Variants in DIXDC1 observed in about 807,000 individuals in gnomAD.
DIXDC1 encodes the protein DIX domain containing 1, also known as dixin.
A neutral mutation model predicts 103.1 loss-of-function variants in DIXDC1; 64 were observed. The observed-to-expected ratio is 0.62, with a 90% CI of 0.51 to 0.76. The LOEUF (loss-of-function observed/expected upper bound fraction) is 0.76. DIXDC1 is among the 30% of genes least tolerant of loss of function. The pLI, the probability that DIXDC1 is intolerant of heterozygous loss-of-function variation, is 0.00. For synonymous variants in DIXDC1, 266 were observed against 298.5 expected (o/e 0.89, Z 1.12); for missense variants, 759 against 834.2 (o/e 0.91, Z 1.11).
At chr11:112,018,175 AT>A (rs2137651192) in intron 19 of DIXDC1, among the ~76,000 whole-genome samples, 1 of 152,346 alleles carries the variant, frequency 6.6e-6, no homozygotes, top group African/African-American at 2.4e-5. Flanking sequence ...ACAATAAATA[AT>A]TTTCCATCTG....
chr11:111,964,565 A>G lies in DIXDC1; in HGVS notation c.77A>G (p.Tyr26Cys), dbSNP rs782657124. ...ATTTTCCAGCAACAGCTGCAGGCCTATGTGGCCTGGGTGAATGCACAGCTG... is the reference window on the plus strand; with the variant it reads ...ATTTTCCAGCAACAGCTGCAGGCCTGTGTGGCCTGGGTGAATGCACAGCTG... ...EGFNEQQLQA[Y>C]VAWVNAQLKK... Residue 26 changes from tyrosine (Y) to cysteine (C), a missense_variant, in exon 2 of 20, where the codon TAT becomes TGT. Physicochemically the swap from Tyr to Cys is radical, Grantham distance 194. This residue lies in a region of DIXDC1 where 97 missense variants were observed against 85.4 expected (regional missense o/e 1.14). Coordinates refer to ENST00000440460, the MANE Select transcript of DIXDC1 (RefSeq NM_001037954.4). 1.6e-5 allele frequency: 26 copies of G among 1,605,596 alleles called. No individual in the cohort carries two copies. The highest frequency in any genetic ancestry group is 2.7e-5 in the African/African-American group (2 of 74,802).
intron 17 of DIXDC1, among the ~76,000 whole-genome samples, chr11:112,013,611 T>G (rs1411287764): frequency 2.0e-5 from 3 of 152,114 alleles, no homozygotes; most frequent in Non-Finnish European, 4.4e-5. Flanking sequence ...TCTCAGTCAT[T>G]GTTTACTTTT....
At chr11:111,952,878 T>C (rs1183343910) in intron 1 of DIXDC1, among the ~76,000 whole-genome samples, 5 of 151,010 alleles carry the variant, frequency 3.3e-5, no homozygotes, top group South Asian at 2.1e-4. Flanking sequence ...TGGCCTTAGC[T>C]ACTCTGGAGG....
chr11:111,959,985 C>T (rs587690123), intron 1 of DIXDC1, among the ~76,000 whole-genome samples: 83 of 152,170 alleles, frequency 5.5e-4, no homozygotes, highest in Non-Finnish European at 9.0e-4. Context: ...TCTCGACTCA[C>T]TGCAACCTCC....
Position 111,995,453 on chromosome 11 carries a change from C to T in DIXDC1, c.1578C>T (p.Ser526=), listed in dbSNP as rs587738691. The change falls in exon 16 of 20, where the codon AGC becomes AGT. Residue 526 remains serine, a synonymous_variant. Transcript: ENST00000440460. ...VRDALRSLRN[S]FSGHDPQHHT... ...ATGCTCTCCGCAGCCTGCGCAACAG[C>T]TTCAGTGGCCACGATCCTCAGCACC... is the stretch of plus-strand genomic sequence containing the variant. 3.2e-5 allele frequency: 52 copies of T among 1,613,818 alleles called. 1 individual carries two copies. The South Asian group carries it at 5.1e-4, about 16-fold the overall frequency.
chr11:112,016,633 G>A, intron 17 of DIXDC1, 58 bp from the exon 18 acceptor site: 1 of 1,422,466 alleles, frequency 7.0e-7, no homozygotes. Context: ...TTGAATAACT[G>A]CAGATGGCTG....
In DIXDC1 at chr11:111,937,536, G is replaced by A. The variant is rs374654441; in HGVS notation, c.37G>A (p.Val13Ile). Reference protein sequence around the residue: ...ACLTRGNLLDVLQEGFNEQQL... With the variant: ...ACLTRGNLLDILQEGFNEQQL... ...CCTGACCCGAGGGAACTTACTGGAC[G>A]TCCTGCAGGAGGGCTTCAATGAGGT... The change falls in exon 1 of 20, where the codon GTC becomes ATC. Residue 13 changes from valine (V) to isoleucine (I), a missense_variant. Physicochemically the swap from Val to Ile is conservative, Grantham distance 29. Coordinates refer to ENST00000440460, the MANE Select transcript of DIXDC1 (RefSeq NM_001037954.4). The A allele has an allele frequency of 1.5e-4, 239 of 1,595,818 alleles. 1 individual carries two copies. In the African/African-American group the frequency reaches 2.6e-3, roughly 17 times the overall value.
intron 8 of DIXDC1, 68 bp downstream of exon 8, chr11:111,985,389 C>A: frequency 7.9e-7 from 1 of 1,260,058 alleles, no homozygotes; most frequent in Non-Finnish European, 1.1e-6. Context: ...GCATTTGACA[C>A]TGCTGTTCAT....
At chr11:111,993,052 A>T in intron 12 of DIXDC1, 48 bp downstream of exon 12, 3 of 1,552,140 alleles carry the variant, frequency 1.9e-6, no homozygotes, top group Non-Finnish European at 8.8e-7. Context: ...ACTTTTCATG[A>T]ACAGCCCGTT....
intron 17 of DIXDC1, among the ~76,000 whole-genome samples, 195 bp from the exon 18 acceptor site, chr11:112,016,496 G>A (rs1416814746): frequency 2.0e-5 from 3 of 152,104 alleles, no homozygotes; most frequent in African/African-American, 7.2e-5. Flanking sequence ...CCTCGCGATC[G>A]TGTCCATGTC....
intron 1 of DIXDC1, among the ~76,000 whole-genome samples, chr11:111,949,918 CT>C (rs372738597): frequency 3.1e-4 from 46 of 149,916 alleles, no homozygotes; most frequent in African/African-American, 8.1e-4. Context: ...GCATAAATAG[CT>C]TTTTTTTTTA....
chr11:111,964,753 T>C (rs1859674816), intron 2 of DIXDC1, 75 bp downstream of exon 2: 1 of 1,461,150 alleles, frequency 6.8e-7, no homozygotes, highest in Non-Finnish European at 9.1e-7. Context: ...TTATGCCCTT[T>C]AGAGCAGGTT....
Position 112,020,539 on chromosome 11 carries a change from T to C in DIXDC1, c.*1503T>C, listed in dbSNP as rs1861724592. The C allele has an allele frequency of 6.6e-6, 1 of 152,458 alleles. No individual in the cohort carries two copies. Among genetic ancestry groups the C allele is most frequent in the East Asian group, 1.9e-4 (1 of 5,196 alleles). 9.4% of individuals were successfully genotyped at this position (152,458 alleles called of 1,614,324 possible). On this transcript the variant is annotated 3_prime_UTR_variant, in exon 20 of 20. Transcript: ENST00000440460. Reference sequence around the variant, plus strand: ...ACCATGTCTATTTTTATAACTGGAGTGTGAGTTCTGTATCTTCTCACATTC... The same window carrying C: ...ACCATGTCTATTTTTATAACTGGAGCGTGAGTTCTGTATCTTCTCACATTC...
intron 17 of DIXDC1, among the ~76,000 whole-genome samples, chr11:112,012,217 T>G (rs1460893099): frequency 6.6e-6 from 1 of 152,252 alleles, no homozygotes; most frequent in Non-Finnish European, 1.5e-5. Context: ...CTAAAATTTA[T>G]AGGAAAGAAT....
At chr11:111,928,867 A>C (rs1266636721) in intron 1 of DIXDC1, among the ~76,000 whole-genome samples, 1 of 152,134 alleles carries the variant, frequency 6.6e-6, no homozygotes, top group Non-Finnish European at 1.5e-5. Flanking sequence ...TCGTAAGCTT[A>C]AAGTGCTATA....
At chr11:111,962,041 T>C (rs1271887825) in intron 1 of DIXDC1, among the ~76,000 whole-genome samples, 1 of 152,194 alleles carries the variant, frequency 6.6e-6, no homozygotes, top group Non-Finnish European at 1.5e-5. Context: ...TGGGGCTTGT[T>C]GTAGCCTCAT....
rs908844222 is a variant in DIXDC1 at position 111,976,850 on chromosome 11, A to C, written c.656+1867A>C. 1 of 152,436 alleles carries C rather than the reference A, an allele frequency of 6.6e-6. No homozygotes were observed. Among genetic ancestry groups the C allele is most frequent in the Non-Finnish European group, 1.5e-5 (1 of 68,050 alleles). 9.4% of individuals were successfully genotyped at this position (152,436 alleles called of 1,614,324 possible). ...ATCCTTAGTTGGTTAAAAAGAACAC[A>C]CGAAACGCCAGAGGGGAAGGTGGGA... On this transcript the variant is annotated intron_variant, in intron 5 of 19. Transcript: ENST00000440460. The surrounding 1 kb of genome is among the most constrained non-coding windows in gnomAD (Gnocchi z 4.3).
chr11:111,970,982 G>A (rs1157701773), intron 3 of DIXDC1, among the ~76,000 whole-genome samples: 1 of 152,108 alleles, frequency 6.6e-6, no homozygotes, highest in Non-Finnish European at 1.5e-5. Context: ...ACTCAAGATG[G>A]AATAAAGACT....
At chr11:112,011,777 G>A (rs1861429207) in intron 17 of DIXDC1, among the ~76,000 whole-genome samples, 2 of 151,946 alleles carry the variant, frequency 1.3e-5, no homozygotes, top group South Asian at 4.2e-4. Flanking sequence ...CACAGGGCGG[G>A]GAACATCACA....
Sources: gnomAD v4.1 joint callset for allele counts (sites outside exome capture counted in the v4.1 genomes callset) on GRCh38, gnomAD v4.1.1 for gene constraint, gnomAD v4.1.1 regional missense constraint, Gnocchi (gnomAD v3.1) non-coding constraint, MANE v1.5 for transcripts, NCBI Gene and HGNC (gene_info 2026-07-23, HGNC 2026-07-21) for gene names.